The following DLGAP1 variants were observed in gnomAD, a reference collection of about 807,000 sequenced individuals.
DLGAP1 encodes disks large-associated protein 1.
DLGAP1 carries 11 observed loss-of-function variants against 90.8 expected under a neutral mutation model. The ratio of observed to expected loss-of-function variants is 0.12; its 90% CI spans 0.08 to 0.20. The LOEUF (loss-of-function observed/expected upper bound fraction) is 0.20, where lower values mean the gene tolerates loss of function less well. Ranked by LOEUF, DLGAP1 falls within the 10% of genes least tolerant of loss-of-function variation. The pLI, the probability that DLGAP1 is intolerant of heterozygous loss-of-function variation, is 1.00. For synonymous variants in DLGAP1, 558 were observed against 540.7 expected (o/e 1.03, Z -0.44); for missense variants, 1,050 against 1,333.8 (o/e 0.79, Z 3.31).
At chr18:4,431,192 A>G (rs905338294) in intron 1 of DLGAP1, 1 of 152,538 alleles carries the variant, frequency 6.6e-6, no homozygotes, top group Non-Finnish European at 1.5e-5. Flanking sequence ...GAGACAAACC[A>G]TTTGGAAAAT....
intron 1 of DLGAP1, among the ~76,000 whole-genome samples, chr18:4,385,042 T>C (rs2082202362): frequency 6.6e-6 from 1 of 152,038 alleles, no homozygotes; most frequent in Non-Finnish European, 1.5e-5. Flanking sequence ...ATGGAAATAA[T>C]CACTTTAAAA....
intron 1 of DLGAP1, among the ~76,000 whole-genome samples, chr18:4,206,955 T>C (rs956198644): frequency 6.6e-6 from 1 of 152,140 alleles, no homozygotes; most frequent in African/African-American, 2.4e-5. Flanking sequence ...AAAGAGATAG[T>C]AAAGACCAAG....
intron 1 of DLGAP1, among the ~76,000 whole-genome samples, chr18:4,432,488 T>TTTTA (rs10675886): frequency 0.83 from 126,400 of 151,438 alleles, 53,053 homozygotes; most frequent in East Asian, 0.97. Flanking sequence ...AAATAAATTT[T>TTTTA]TTTAAAAATT....
intron 3 of DLGAP1, among the ~76,000 whole-genome samples, chr18:3,987,854 G>C (rs2073873710): frequency 1.3e-5 from 2 of 151,960 alleles, no homozygotes; most frequent in African/African-American, 4.8e-5. Flanking sequence ...TTATACATTA[G>C]ACTATGTATG....
At chr18:3,777,900 G>A (rs1413251682) in intron 5 of DLGAP1, among the ~76,000 whole-genome samples, 1 of 152,098 alleles carries the variant, frequency 6.6e-6, no homozygotes, top group African/African-American at 2.4e-5. Flanking sequence ...CTGGGTAGGT[G>A]GTCCTTTTCT....
At chr18:4,335,722 T>A (rs2081054788) in intron 1 of DLGAP1, among the ~76,000 whole-genome samples, 1 of 152,178 alleles carries the variant, frequency 6.6e-6, no homozygotes, top group African/African-American at 2.4e-5. Flanking sequence ...ATTACATATG[T>A]CCTGTTTTAA....
intron 2 of DLGAP1, among the ~76,000 whole-genome samples, chr18:4,097,742 A>G (rs1279533792): frequency 1.3e-5 from 2 of 152,360 alleles, no homozygotes; most frequent in East Asian, 1.9e-4. Flanking sequence ...GCTAAAAACA[A>G]AAGTTTTAAA....
rs150515808 is a variant in DLGAP1, at chr18:3,585,687, T to A, written c.1592-3439A>T. On this transcript the variant is annotated intron_variant, in intron 7 of 12. Transcript: ENST00000315677. The stretch of plus-strand genomic sequence containing the variant: ...GGCCAGGCACAGTGGTTCACACCTG[T>A]CATCCCAGCGTTTTGGGAGACTATG... Among the ~76,000 whole-genome samples, 1,038 of 152,294 alleles carry A rather than the reference T, an allele frequency of 6.8e-3. 14 individuals carry two copies. Among genetic ancestry groups the A allele is most frequent in the African/African-American group, 0.024 (992 of 41,550 alleles).
In DLGAP1 at chr18:3,691,383, C is replaced by T. The variant is rs116262562; in HGVS notation, c.1591+37752G>A. 9.4e-3 allele frequency among the ~76,000 whole-genome samples: 1,414 copies of T among 150,180 alleles called. 31 individuals carry two copies. The highest frequency in any genetic ancestry group is 0.033 in the African/African-American group (1,323 of 40,684). On this transcript the variant is annotated intron_variant, in intron 7 of 12. Coordinates refer to ENST00000315677, the MANE Select transcript of DLGAP1 (RefSeq NM_004746.4). ...ATGGAGGTTGCAGTGAGCTACATCG[C>T]GCCACTGCATTCCAGCCTGGGCGAT...
At chr18:3,777,951 C>G (rs1790366681) in intron 5 of DLGAP1, among the ~76,000 whole-genome samples, 1 of 152,040 alleles carries the variant, frequency 6.6e-6, no homozygotes, top group Admixed American at 6.6e-5. Context: ...TTGTAGAACT[C>G]AAATGGAATG....
At chr18:4,337,062 C>T (rs1449543310) in intron 1 of DLGAP1, among the ~76,000 whole-genome samples, 6 of 146,254 alleles carry the variant, frequency 4.1e-5, no homozygotes, top group Non-Finnish European at 7.4e-5. Context: ...AGCAGTGAGC[C>T]GAGATTGTGC....
intron 12 of DLGAP1, among the ~76,000 whole-genome samples, chr18:3,500,707 C>A (rs952284646): frequency 6.6e-6 from 1 of 152,092 alleles, no homozygotes; most frequent in Admixed American, 6.5e-5. Flanking sequence ...AGGCAAAGTC[C>A]ATTAAAAACC....
At chr18:3,668,908 T>C (rs561602658) in intron 7 of DLGAP1, among the ~76,000 whole-genome samples, 1 of 152,078 alleles carries the variant, frequency 6.6e-6, no homozygotes, top group East Asian at 1.9e-4. Flanking sequence ...CGTTTGAACC[T>C]GGGAGGCGGA....
At chr18:3,507,640 G>A (rs894547622) in intron 11 of DLGAP1, among the ~76,000 whole-genome samples, 1 of 151,100 alleles carries the variant, frequency 6.6e-6, no homozygotes, top group East Asian at 1.9e-4. Flanking sequence ...GCTAATAATT[G>A]TCTTCACTTG....
intron 3 of DLGAP1, among the ~76,000 whole-genome samples, chr18:3,998,311 A>G (rs1242525107): frequency 1.3e-5 from 2 of 152,074 alleles, no homozygotes; most frequent in African/African-American, 4.8e-5. Context: ...GTTTCCTTGC[A>G]TTTTCCAAGG....
At chr18:4,022,368 TATA>T (rs1182689381) in intron 2 of DLGAP1, among the ~76,000 whole-genome samples, 7 of 146,840 alleles carry the variant, frequency 4.8e-5, no homozygotes, top group Middle Eastern at 3.6e-3. Context: ...ATATGAAATA[TATA>T]ATATTTATAA....
intron 1 of DLGAP1, among the ~76,000 whole-genome samples, chr18:4,355,979 G>C (rs567004596): frequency 1.3e-5 from 2 of 151,464 alleles, no homozygotes; most frequent in South Asian, 4.2e-4. Context: ...TCTTTCACCA[G>C]CTCCCAGGAA....
intron 5 of DLGAP1, among the ~76,000 whole-genome samples, chr18:3,771,776 T>C (rs954665889): frequency 1.3e-5 from 2 of 151,854 alleles, no homozygotes; most frequent in African/African-American, 4.8e-5. Context: ...TGGGTCTAAC[T>C]AGCTAGTTAG....
At chr18:3,714,414 A>G (rs553659211) in intron 7 of DLGAP1, among the ~76,000 whole-genome samples, 24 of 152,334 alleles carry the variant, frequency 1.6e-4, no homozygotes, top group African/African-American at 5.1e-4. Flanking sequence ...ATACAATCCC[A>G]GAAGGGATGA....
Sources: gnomAD v4.1 joint callset for allele counts (sites outside exome capture counted in the v4.1 genomes callset) on GRCh38, gnomAD v4.1.1 for gene constraint, MANE v1.5 for transcripts, NCBI Gene and HGNC (gene_info 2026-07-23, HGNC 2026-07-21) for gene names.